EIF4G3: variants seen among roughly 807,000 people sequenced by gnomAD.
EIF4G3 encodes eIF-4-gamma 3.
EIF4G3 carries 34 observed loss-of-function variants against 186.4 expected under a neutral mutation model. That is an observed-to-expected ratio of 0.18 (90% CI 0.14 to 0.24). The LOEUF is 0.24. Ranked by LOEUF, EIF4G3 falls within the 10% of genes least tolerant of loss-of-function variation. The pLI is 1.00. For synonymous variants in EIF4G3, 673 were observed against 679.5 expected (o/e 0.99, Z 0.15); for missense variants, 1,536 against 1,948.5 (o/e 0.79, Z 3.99).
At chr1:20,820,660 T>A (rs1162626977) in intron 33 of EIF4G3, among the ~76,000 whole-genome samples, 4 of 152,136 alleles carry the variant, frequency 2.6e-5, no homozygotes, top group Non-Finnish European at 5.9e-5. Context: ...CCAATTGGCA[T>A]GCATTTCTTC....
intron 2 of EIF4G3, among the ~76,000 whole-genome samples, chr1:21,105,749 G>C (rs1236584889): frequency 6.6e-6 from 1 of 152,056 alleles, no homozygotes; most frequent in Non-Finnish European, 1.5e-5. Context: ...GGTTTTAGGT[G>C]GGAAACAGCT....
rs561936218 is a variant in EIF4G3 at position 20,914,834 on chromosome 1, G to T, written c.1664-9863C>A. On this transcript the variant is annotated intron_variant, in intron 14 of 36. Transcript: ENST00000602326. ...TTTAAAGTTATTAAGCCTCGTTTCT[G>T]GAACCACAATATGGTCTATCTTGGT... Among the ~76,000 whole-genome samples the T allele has an allele frequency of 8.5e-5, 13 of 152,208 alleles. No individual in the cohort carries two copies. The East Asian group carries it at 2.5e-3, about 29-fold the overall frequency.
chr1:20,934,619 A>C (rs1195248175), intron 14 of EIF4G3, among the ~76,000 whole-genome samples: 3 of 152,128 alleles, frequency 2.0e-5, no homozygotes, highest in African/African-American at 7.2e-5. Context: ...GAAAAACCAT[A>C]AAAATAATGG....
intron 14 of EIF4G3, among the ~76,000 whole-genome samples, chr1:20,919,159 T>C (rs1362732529): frequency 6.6e-6 from 1 of 152,240 alleles, no homozygotes; most frequent in Non-Finnish European, 1.5e-5. Context: ...CAGGTTAAAC[T>C]TATACATATT....
chr1:20,919,108 T>C (rs1206142481), intron 14 of EIF4G3, among the ~76,000 whole-genome samples: 1 of 152,250 alleles, frequency 6.6e-6, no homozygotes, highest in African/African-American at 2.4e-5. Context: ...TTTTATTAGA[T>C]GCTTTGTTTT....
At chr1:21,052,801 T>A (rs2154577016) in intron 3 of EIF4G3, among the ~76,000 whole-genome samples, 1 of 152,312 alleles carries the variant, frequency 6.6e-6, no homozygotes, top group African/African-American at 2.4e-5. Flanking sequence ...CGGGCTGGTC[T>A]CCAGCTCCTA....
rs565656094 is a variant in EIF4G3, at chr1:21,067,387, C to T, written c.-195-16393G>A. ...ACCTCAGGTGATCTGCCCACCATAG[C>T]CTCCTAAAGTGCTAGGATTACAGGC... On this transcript the variant is annotated intron_variant, in intron 3 of 36. Transcript: ENST00000602326. 4.3e-4 allele frequency among the ~76,000 whole-genome samples: 66 copies of T among 152,134 alleles called. 1 individual carries two copies. The highest frequency in any genetic ancestry group is 1.4e-3 in the African/African-American group (60 of 41,520).
chr1:21,092,446 T>G (rs539749552), intron 2 of EIF4G3, among the ~76,000 whole-genome samples: 29 of 152,268 alleles, frequency 1.9e-4, no homozygotes, highest in African/African-American at 7.0e-4. Flanking sequence ...AAAATTCTCT[T>G]TTTTTGTTGT....
intron 34 of EIF4G3, among the ~76,000 whole-genome samples, chr1:20,816,393 G>T (rs1173437492): frequency 2.0e-5 from 2 of 102,234 alleles, no homozygotes; most frequent in African/African-American, 7.3e-5. Context: ...CCGCCCGGCC[G>T]GCCGCCCCGT....
chr1:20,965,183 G>A (rs1395420131), intron 12 of EIF4G3, among the ~76,000 whole-genome samples: 1 of 152,094 alleles, frequency 6.6e-6, no homozygotes, highest in Non-Finnish European at 1.5e-5. Flanking sequence ...GGCCACTCTT[G>A]ACAGAGAAAC....
Sources: gnomAD v4.1 joint callset for allele counts (sites outside exome capture counted in the v4.1 genomes callset) on GRCh38, gnomAD v4.1.1 for gene constraint, MANE v1.5 for transcripts, NCBI Gene and HGNC (gene_info 2026-07-23, HGNC 2026-07-21) for gene names.